The following HS2ST1 variants were observed in gnomAD, a reference collection of about 807,000 sequenced individuals.
The protein encoded by HS2ST1 is 2-O-sulfotransferase.
HS2ST1 carries 18 observed loss-of-function variants against 42.9 expected under a neutral mutation model. The ratio of observed to expected loss-of-function variants is 0.42; its 90% CI spans 0.29 to 0.62. The LOEUF (loss-of-function observed/expected upper bound fraction) is 0.62, where lower values mean the gene tolerates loss of function less well. Among genes scored for constraint, HS2ST1 ranks in the 20% least tolerant of loss-of-function variants. The pLI, the probability that HS2ST1 is intolerant of heterozygous loss-of-function variation, is 0.21. For missense variants in HS2ST1, 334 were observed against 433.8 expected, an observed-to-expected ratio of 0.77 and a Z score of 2.04; for synonymous variants, 146 against 152.9, an observed-to-expected ratio of 0.95 and a Z score of 0.33.
intron 1 of HS2ST1, among the ~76,000 whole-genome samples, chr1:87,047,632 C>T (rs1050863003): frequency 5.9e-5 from 9 of 152,144 alleles, no homozygotes; most frequent in Non-Finnish European, 1.2e-4. Context: ...AAAAAAATGG[C>T]TATCCAGTTG....
At chr1:86,988,881 AT>A (rs1011425754) in intron 1 of HS2ST1, among the ~76,000 whole-genome samples, 1 of 152,222 alleles carries the variant, frequency 6.6e-6, no homozygotes, top group Admixed American at 6.5e-5. Flanking sequence ...TGGCTTGGAG[AT>A]TGGGTAGTGA....
intron 1 of HS2ST1, among the ~76,000 whole-genome samples, chr1:87,035,900 G>A (rs1397970151): frequency 6.6e-6 from 1 of 151,412 alleles, no homozygotes; most frequent in East Asian, 1.9e-4. Context: ...GTATACACGT[G>A]CCATGGTGGT....
intron 1 of HS2ST1, among the ~76,000 whole-genome samples, chr1:87,020,798 T>C (rs1649923403): frequency 6.6e-6 from 1 of 152,188 alleles, no homozygotes; most frequent in Admixed American, 6.5e-5. Flanking sequence ...TTTAAAGACC[T>C]TGTCTTTAAA....
intron 1 of HS2ST1, among the ~76,000 whole-genome samples, chr1:86,940,978 C>T (rs1273981101): frequency 6.6e-6 from 1 of 151,958 alleles, no homozygotes; most frequent in African/African-American, 2.4e-5. Flanking sequence ...CAGAACAAGA[C>T]CCTGTCTCAA....
At position 87,072,953 on chromosome 1, in the gene HS2ST1, C is replaced by T. The variant is rs763680605; in HGVS notation, c.144C>T (p.His48=). The change falls in exon 2 of 7, where the codon CAC becomes CAT. Residue 48 remains histidine (H), a synonymous_variant. Coordinates refer to ENST00000370550, the MANE Select transcript of HS2ST1 (RefSeq NM_012262.4). ...RSKLERAIAR[H]EVREIEQRHT... ...TTCCAGAAAGGGCTATTGCAAGACACGAAGTCCGAGAAATTGAGCAGCGAC... is the reference window on the plus strand; with the variant it reads ...TTCCAGAAAGGGCTATTGCAAGACATGAAGTCCGAGAAATTGAGCAGCGAC... 11 of 1,613,660 alleles carry T rather than the reference C, an allele frequency of 6.8e-6. No individual in the cohort carries two copies. Among genetic ancestry groups the T allele is most frequent in the South Asian group, 3.3e-5 (3 of 91,074 alleles).
At chr1:86,932,427 AAT>A (rs1180828187) in intron 1 of HS2ST1, 1 of 152,168 alleles carries the variant, frequency 6.6e-6, no homozygotes, top group Non-Finnish European at 1.5e-5. Flanking sequence ...TAATTCATGT[AAT>A]ATACCCTCTT....
intron 1 of HS2ST1, among the ~76,000 whole-genome samples, chr1:86,965,292 T>C (rs1391072574): frequency 2.0e-5 from 3 of 152,020 alleles, no homozygotes; most frequent in Non-Finnish European, 4.4e-5. Flanking sequence ...TACCATTCAT[T>C]CATTAGTTCC....
intron 1 of HS2ST1, among the ~76,000 whole-genome samples, chr1:87,039,078 A>G (rs919537699): frequency 1.3e-5 from 2 of 152,244 alleles, no homozygotes; most frequent in African/African-American, 4.8e-5. Context: ...ATGGAAGGTA[A>G]TAATGATACG....
intron 1 of HS2ST1, among the ~76,000 whole-genome samples, chr1:87,038,366 A>T (rs992021776): frequency 1.3e-5 from 2 of 152,150 alleles, no homozygotes; most frequent in African/African-American, 4.8e-5. Flanking sequence ...ATGCCATCCT[A>T]GAAACTGAAT....
intron 1 of HS2ST1, among the ~76,000 whole-genome samples, chr1:86,962,960 C>T (rs1647893712): frequency 6.6e-6 from 1 of 152,084 alleles, no homozygotes; most frequent in East Asian, 1.9e-4. Context: ...GGTAGTGATT[C>T]TCCTCTAGTC....
chr1:86,968,065 CAT>C (rs762200218), intron 1 of HS2ST1, among the ~76,000 whole-genome samples: 13 of 152,166 alleles, frequency 8.5e-5, no homozygotes, highest in Non-Finnish European at 1.5e-4. Flanking sequence ...AGCAGCGTTT[CAT>C]ATGTTTTTTG....
Position 87,104,678 on chromosome 1 carries a change from T to C in HS2ST1, c.1053T>C (p.Ile351=), listed in dbSNP as rs1652291557. The C allele has an allele frequency of 6.2e-7, 1 of 1,607,012 alleles. No individual in the cohort carries two copies. Among genetic ancestry groups the C allele is most frequent in the Non-Finnish European group, 8.5e-7 (1 of 1,173,762 alleles). ...ILAQNFFYEK[I]YPKSN ...CACAAAACTTTTTCTATGAAAAGATTTACCCTAAGTCGAACTGAGTATAAG... is the reference window on the plus strand; with the variant it reads ...CACAAAACTTTTTCTATGAAAAGATCTACCCTAAGTCGAACTGAGTATAAG... The change falls in exon 7 of 7, where the codon ATT becomes ATC. Residue 351 remains isoleucine (I), a synonymous_variant. Coordinates refer to ENST00000370550, the MANE Select transcript of HS2ST1 (RefSeq NM_012262.4).
intron 1 of HS2ST1, among the ~76,000 whole-genome samples, chr1:87,003,958 ATTGT>A (rs977962785): frequency 1.4e-4 from 22 of 152,240 alleles, no homozygotes; most frequent in African/African-American, 5.1e-4. Flanking sequence ...ACTCTATGTA[ATTGT>A]TTGTTTTTTA....
In HS2ST1 at chr1:87,106,579, ATAAAC is replaced by A. The variant is rs1358343731; in HGVS notation, c.*1888_*1892del. 1.3e-5 allele frequency: 2 copies of A among 152,136 alleles called. No homozygotes were observed. Among genetic ancestry groups the A allele is most frequent in the Non-Finnish European group, 2.9e-5 (2 of 67,964 alleles). The allele number at this position is 152,136 out of a possible 1,614,324, so 9.4% of individuals were successfully genotyped here. On this transcript the variant is annotated 3_prime_UTR_variant, in exon 7 of 7. Coordinates refer to ENST00000370550, the MANE Select transcript of HS2ST1 (RefSeq NM_012262.4). ...ACATTTATAAACAAAAGAAACATTT[ATAAAC>A]TAAAGAAAAACTAAAAGAATGACAG...
chr1:86,962,576 T>G (rs1457321036), intron 1 of HS2ST1, among the ~76,000 whole-genome samples: 1 of 152,240 alleles, frequency 6.6e-6, no homozygotes, highest in Non-Finnish European at 1.5e-5. Context: ...ATGCAGATAA[T>G]TATAAAATAT....
At chr1:87,099,994 A>G (rs1046878702) in intron 5 of HS2ST1, among the ~76,000 whole-genome samples, 2 of 152,170 alleles carry the variant, frequency 1.3e-5, no homozygotes, top group South Asian at 2.1e-4. Flanking sequence ...CCCTGCCCCC[A>G]TGGCTTTGCA....
At chr1:86,945,647 G>A (rs893878904) in intron 1 of HS2ST1, among the ~76,000 whole-genome samples, 3 of 152,158 alleles carry the variant, frequency 2.0e-5, no homozygotes, top group African/African-American at 7.2e-5. Context: ...TTATAGACTA[G>A]GTGATTACTT....
At chr1:86,956,073 T>C (rs568691125) in intron 1 of HS2ST1, among the ~76,000 whole-genome samples, 1 of 152,228 alleles carries the variant, frequency 6.6e-6, no homozygotes, top group African/African-American at 2.4e-5. Flanking sequence ...TTCATACATA[T>C]ATGTGTGTAT....
At chr1:87,099,233 A>G (rs1279070754) in intron 5 of HS2ST1, among the ~76,000 whole-genome samples, 1 of 152,182 alleles carries the variant, frequency 6.6e-6, no homozygotes, top group Non-Finnish European at 1.5e-5. Context: ...GTAAAGTACT[A>G]CCTGAGACTG....
Sources: allele counts gnomAD v4.1 joint callset (sites outside exome capture counted in the v4.1 genomes callset), GRCh38; gene constraint gnomAD v4.1.1; transcripts MANE v1.5; gene names NCBI Gene and HGNC (gene_info 2026-07-23, HGNC 2026-07-21).